LRRC4C: variants seen among roughly 807,000 people sequenced by gnomAD.
LRRC4C encodes the protein leucine rich repeat containing 4C, also known as leucine-rich repeat-containing protein 4C.
Under a neutral mutation model 33.6 loss-of-function variants are expected in LRRC4C, and 5 were observed. The observed-to-expected ratio is 0.15, with a 90% CI of 0.08 to 0.31. LRRC4C has a LOEUF of 0.31. LRRC4C is among the 10% of genes least tolerant of loss of function. The pLI is 1.00. For missense variants in LRRC4C, 560 were observed against 796.7 expected (o/e 0.70, Z 3.58); for synonymous variants, 329 against 302.0 (o/e 1.09, Z -0.93).
intron 3 of LRRC4C, among the ~76,000 whole-genome samples, chr11:40,550,988 C>T (rs1407476690): frequency 2.0e-5 from 3 of 152,032 alleles, no homozygotes; most frequent in African/African-American, 7.2e-5. Context: ...TTCACTTCTG[C>T]CCTGGCTTCT....
intron 3 of LRRC4C, among the ~76,000 whole-genome samples, chr11:40,492,447 C>T (rs1275246527): frequency 6.6e-6 from 1 of 151,970 alleles, no homozygotes; most frequent in Non-Finnish European, 1.5e-5. Flanking sequence ...GTTTTATTTT[C>T]AAGAATGATT....
At chr11:40,379,518 T>C (rs1382314155) in intron 3 of LRRC4C, among the ~76,000 whole-genome samples, 1 of 152,166 alleles carries the variant, frequency 6.6e-6, no homozygotes, top group Non-Finnish European at 1.5e-5. Context: ...AAGCTGAAAT[T>C]ACTTTTATCT....
At chr11:40,780,476 A>G (rs539665058) in intron 2 of LRRC4C, among the ~76,000 whole-genome samples, 1 of 152,318 alleles carries the variant, frequency 6.6e-6, no homozygotes, top group South Asian at 2.1e-4. Context: ...TGATTACAGT[A>G]AAGTAATTTC....
intron 1 of LRRC4C, among the ~76,000 whole-genome samples, chr11:40,989,811 C>A (rs1395381497): frequency 1.3e-5 from 2 of 151,928 alleles, no homozygotes; most frequent in Non-Finnish European, 2.9e-5. Flanking sequence ...ACAGTCAGCC[C>A]TCCATATCCT....
intron 1 of LRRC4C, among the ~76,000 whole-genome samples, chr11:41,217,818 T>G (rs1260984765): frequency 6.6e-6 from 1 of 152,124 alleles, no homozygotes; most frequent in African/African-American, 2.4e-5. Context: ...GTAGCAATAT[T>G]GCACTTCTAC....
intron 2 of LRRC4C, among the ~76,000 whole-genome samples, chr11:40,886,813 C>A (rs941275160): frequency 6.6e-6 from 1 of 151,656 alleles, no homozygotes; most frequent in Non-Finnish European, 1.5e-5. Flanking sequence ...ACTTTAGTAT[C>A]CCTCTCTCCA....
At chr11:40,265,607 C>T (rs1387170866) in intron 4 of LRRC4C, among the ~76,000 whole-genome samples, 4 of 152,096 alleles carry the variant, frequency 2.6e-5, no homozygotes, top group Non-Finnish European at 5.9e-5. Context: ...AATATTTCAG[C>T]AAAACTTAAC....
chr11:40,586,875 T>G (rs1958778401), intron 3 of LRRC4C, among the ~76,000 whole-genome samples: 1 of 152,224 alleles, frequency 6.6e-6, no homozygotes, highest in Non-Finnish European at 1.5e-5. Context: ...TTGGTTACTG[T>G]AGCCTTGTAG....
Position 41,119,054 on chromosome 11 carries a change from G to T in LRRC4C, c.-495-185331C>A, listed in dbSNP as rs575025093. On this transcript the variant is annotated intron_variant, in intron 1 of 6. Coordinates refer to ENST00000528697, the MANE Select transcript of LRRC4C (RefSeq NM_001258419.2). The stretch of plus-strand genomic sequence containing the variant: ...TCAAGAGAAGTGTAAAGGGTACCAT[G>T]CTTTAACAATTCATTATCATCCATG... Among the ~76,000 whole-genome samples, 4 of 152,010 alleles carry T rather than the reference G, an allele frequency of 2.6e-5. No individual in the cohort carries two copies. The South Asian group carries it at 8.3e-4, about 32-fold the overall frequency.
At position 40,823,596 on chromosome 11, in the gene LRRC4C, T is replaced by A. The variant is rs559766322; in HGVS notation, c.-407+110039A>T. 6.6e-5 allele frequency among the ~76,000 whole-genome samples: 10 copies of A among 151,872 alleles called. No individual in the cohort carries two copies. In the East Asian group the frequency reaches 1.9e-3, roughly 29 times the overall value. On this transcript the variant is annotated intron_variant, in intron 2 of 6. Transcript: ENST00000528697. ...TGAATAGCTAATTGGCACATGAAAA[T>A]GTTCAGCATCTTTTATCATTAGAGA...
chr11:40,728,793 A>G (rs984132426), intron 2 of LRRC4C, among the ~76,000 whole-genome samples: 1 of 152,172 alleles, frequency 6.6e-6, no homozygotes, highest in Non-Finnish European at 1.5e-5. Flanking sequence ...ATGGAATAAT[A>G]CATAGCCATA....
chr11:40,286,805 A>C (rs568445553), intron 4 of LRRC4C, among the ~76,000 whole-genome samples: 1 of 152,280 alleles, frequency 6.6e-6, no homozygotes, highest in Non-Finnish European at 1.5e-5. Context: ...GGCCCCAGCT[A>C]ACAGGTGATG....
intron 1 of LRRC4C, among the ~76,000 whole-genome samples, chr11:41,055,572 T>C (rs1858558357): frequency 6.6e-6 from 1 of 152,178 alleles, no homozygotes. Context: ...TTGCATCTTT[T>C]CAGTTCCTAA....
intron 2 of LRRC4C, among the ~76,000 whole-genome samples, chr11:40,697,294 G>T (rs1457194214): frequency 6.6e-6 from 1 of 152,136 alleles, no homozygotes; most frequent in Non-Finnish European, 1.5e-5. Context: ...CCTCATGAAA[G>T]AATGACCTTG....
At chr11:40,188,762 A>C (rs1283784617) in intron 5 of LRRC4C, among the ~76,000 whole-genome samples, 1 of 152,130 alleles carries the variant, frequency 6.6e-6, no homozygotes, top group East Asian at 1.9e-4. Context: ...TGCCAAATAC[A>C]AATTATGGTC....
chr11:40,849,899 C>T (rs1953394756), intron 2 of LRRC4C, among the ~76,000 whole-genome samples: 1 of 151,296 alleles, frequency 6.6e-6, no homozygotes, highest in African/African-American at 2.4e-5. Context: ...CTCTGATAGC[C>T]TTTCTTCTGC....
chr11:41,450,386 AT>A (rs1170999120), intron 1 of LRRC4C, among the ~76,000 whole-genome samples: 1 of 152,192 alleles, frequency 6.6e-6, no homozygotes, highest in African/African-American at 2.4e-5. Context: ...GGTGGAAAAT[AT>A]TTTCATACAA....
intron 1 of LRRC4C, among the ~76,000 whole-genome samples, chr11:41,054,982 G>A (rs1034572968): frequency 6.6e-6 from 1 of 152,082 alleles, no homozygotes; most frequent in Non-Finnish European, 1.5e-5. Flanking sequence ...GAAATAATAA[G>A]TGTACAGCTT....
intron 1 of LRRC4C, among the ~76,000 whole-genome samples, chr11:40,976,503 C>T (rs1275478381): frequency 6.6e-6 from 1 of 152,116 alleles, no homozygotes; most frequent in Non-Finnish European, 1.5e-5. Context: ...TGATCAAAAG[C>T]TGTATACAGC....
Sources: gnomAD v4.1 joint callset for allele counts (sites outside exome capture counted in the v4.1 genomes callset) on GRCh38, gnomAD v4.1.1 for gene constraint, MANE v1.5 for transcripts, NCBI Gene and HGNC (gene_info 2026-07-23, HGNC 2026-07-21) for gene names.